The following PRKACA variants were observed in gnomAD, a reference collection of about 807,000 sequenced individuals.
PRKACA encodes protein kinase cAMP-activated catalytic subunit alpha.
In PRKACA, 9 loss-of-function variants were observed where a neutral mutation model predicts 45.8. The ratio of observed to expected loss-of-function variants is 0.20; its 90% CI spans 0.12 to 0.34. The LOEUF is 0.34. Among genes scored for constraint, PRKACA ranks in the 10% least tolerant of loss-of-function variants. The pLI is 1.00. For synonymous variants in PRKACA, 160 were observed against 178.6 expected, an observed-to-expected ratio of 0.90 and a Z score of 0.83; for missense variants, 238 against 458.6, an observed-to-expected ratio of 0.52 and a Z score of 4.39.
chr19:14,093,292 C>A (rs560012372), intron 9 of PRKACA, 55 bp from the exon 10 acceptor site: 2 of 1,584,288 alleles, frequency 1.3e-6, no homozygotes, highest in Non-Finnish European at 1.7e-6. Flanking sequence ...ATCATTATTA[C>A]AACAATAAAT....
intron 2 of PRKACA, 75 bp from the exon 3 acceptor site, chr19:14,106,963 CT>C: frequency 6.4e-7 from 1 of 1,570,022 alleles, no homozygotes; most frequent in Non-Finnish European, 8.6e-7. Context: ...GGGGCATCCC[CT>C]CTGCCACCGG....
At chr19:14,101,311 A>G (rs1183848232) in intron 4 of PRKACA, 3 of 213,418 alleles carry the variant, frequency 1.4e-5, no homozygotes, top group Non-Finnish European at 2.9e-5. Context: ...TCATGCCTGT[A>G]TAATCCCAGT....
chr19:14,109,783 C>A (rs1272475871), intron 1 of PRKACA, among the ~76,000 whole-genome samples: 2 of 148,864 alleles, frequency 1.3e-5, no homozygotes, highest in African/African-American at 5.0e-5. Context: ...ACTAAAAATA[C>A]AAAAATTAGC....
chr19:14,107,960 C>A, intron 1 of PRKACA: 1 of 986,798 alleles, frequency 1.0e-6, no homozygotes. Context: ...CACTCCTCGG[C>A]CCCATGGTAT....
Position 14,100,914 on chromosome 19 carries a change from G to T in PRKACA, c.337-6C>A. 1 of 1,613,838 alleles carries T rather than the reference G, an allele frequency of 6.2e-7. No individual in the cohort carries two copies. Among genetic ancestry groups the T allele is most frequent in the Non-Finnish European group, 8.5e-7 (1 of 1,179,738 alleles). ...ATGTATAAGTTTGAGTTGTCCTGTG[G>T]GAAGCAGTGGCTGGTCAAGGGCCCA... On this transcript the variant is annotated splice_region_variant and splice_polypyrimidine_tract_variant and intron_variant, in intron 4 of 9. Transcript: ENST00000308677.
rs753333407 is a variant in PRKACA at position 14,093,196 on chromosome 19, A to G, written c.972T>C (p.Asp324=). 1.9e-6 allele frequency: 3 copies of G among 1,613,968 alleles called. No individual in the cohort carries two copies. Among genetic ancestry groups the G allele is most frequent in the Non-Finnish European group, 2.5e-6 (3 of 1,179,978 alleles). ...CCTCATAGTCGTCAAAGTTACTCGT[A>G]TCCCCAGGGCCTTTAAACTTTGGTA... ...PFIPKFKGPG[D]TSNFDDYEEE... is the part of the protein sequence containing the mutation. The change falls in exon 10 of 10, where the codon GAT becomes GAC. Residue 324 remains aspartate, a synonymous_variant. Transcript: ENST00000308677.
At chr19:14,114,118 C>T (rs1178546169) in intron 1 of PRKACA, 1 of 1,609,524 alleles carries the variant, frequency 6.2e-7, no homozygotes, top group South Asian at 1.1e-5. Context: ...GCTATAGTAA[C>T]AGGACTCAGC....
At chr19:14,096,985 G>C (rs1378205353) in intron 8 of PRKACA, 1 of 349,248 alleles carries the variant, frequency 2.9e-6, no homozygotes, top group Non-Finnish European at 5.6e-6. Flanking sequence ...TGAGGCTATG[G>C]ACAGCACCTG....
rs114153875 is a variant in PRKACA, at chr19:14,094,834, C to T, written c.766-1042G>A. ...GGCTCTTCCGTTCTTTAAAGCCCAG[C>T]TCAACTCTTCTTGAAAGTTTTCCCC... is the stretch of plus-strand genomic sequence containing the variant. On this transcript the variant is annotated intron_variant, in intron 8 of 9. Transcript: ENST00000308677. Among the ~76,000 whole-genome samples the T allele has an allele frequency of 7.0e-3, 1,073 of 152,372 alleles. 18 individuals carry two copies. Among genetic ancestry groups the T allele is most frequent in the African/African-American group, 0.025 (1,033 of 41,578 alleles).
chr19:14,109,528 G>A (rs919852774), intron 1 of PRKACA, among the ~76,000 whole-genome samples: 5 of 151,656 alleles, frequency 3.3e-5, no homozygotes, highest in African/African-American at 9.7e-5. Context: ...TGAGGCAGGA[G>A]AATTGCTTGA....
At chr19:14,111,204 C>T (rs1397756286) in intron 1 of PRKACA, among the ~76,000 whole-genome samples, 1 of 152,186 alleles carries the variant, frequency 6.6e-6, no homozygotes, top group Non-Finnish European at 1.5e-5. Flanking sequence ...TTGAGACCAG[C>T]CTGACCAACA....
chr19:14,097,297 T>C lies in PRKACA; in HGVS notation c.765+64A>G. 1 of 1,607,970 alleles carries C rather than the reference T, an allele frequency of 6.2e-7. No individual in the cohort carries two copies. Among genetic ancestry groups the C allele is most frequent in the Middle Eastern group, 1.7e-4 (1 of 6,056 alleles). On this transcript the variant is annotated intron_variant, in intron 8 of 9. Coordinates refer to ENST00000308677, the MANE Select transcript of PRKACA (RefSeq NM_002730.4). The surrounding 1 kb of genome is among the most constrained non-coding windows in gnomAD (Gnocchi z 5.4). ...ACAACAAGCAGGGCTCCCCAGGGAA[T>C]AGGATGGGTGAGCAGGGAACGGTCT... is the stretch of plus-strand genomic sequence containing the variant.
At chr19:14,114,506 G>T (rs751325919) in intron 1 of PRKACA, among the ~76,000 whole-genome samples, 6 of 152,108 alleles carry the variant, frequency 3.9e-5, no homozygotes, top group Middle Eastern at 3.4e-3. Flanking sequence ...TTCTTGGGGG[G>T]TGCTTTTCTC....
intron 5 of PRKACA, 185 bp from the exon 6 acceptor site, chr19:14,098,075 A>G: frequency 1.5e-6 from 1 of 657,424 alleles, no homozygotes; most frequent in Non-Finnish European, 2.5e-6. Context: ...GGAAAATGGA[A>G]TCACAGACTG....
chr19:14,097,162 C>G lies in PRKACA; in HGVS notation c.765+199G>C. 2 of 746,654 alleles carry G rather than the reference C, an allele frequency of 2.7e-6. No homozygotes were observed. Among genetic ancestry groups the G allele is most frequent in the African/African-American group, 3.5e-5 (2 of 56,768 alleles). The allele number at this position is 746,654 out of a possible 1,614,324, so 46.3% of individuals were successfully genotyped here. ...TTTGGAAGCCCATGGGATTCTGGAACCGCGGGGTTGGGGCTGGACAGCAAG... is the reference window on the plus strand; with the variant it reads ...TTTGGAAGCCCATGGGATTCTGGAAGCGCGGGGTTGGGGCTGGACAGCAAG... On this transcript the variant is annotated intron_variant, in intron 8 of 9. Coordinates refer to ENST00000308677, the MANE Select transcript of PRKACA (RefSeq NM_002730.4). The surrounding 1 kb of genome is among the most constrained non-coding windows in gnomAD (Gnocchi z 5.4).
intron 1 of PRKACA, among the ~76,000 whole-genome samples, chr19:14,117,163 G>A (rs533112418): frequency 4.0e-5 from 6 of 151,560 alleles, no homozygotes; most frequent in African/African-American, 1.5e-4. Context: ...GTGAGGAAGT[G>A]GGGGGATTAG....
intron 1 of PRKACA, chr19:14,107,900 C>A (rs1436398445): frequency 5.1e-6 from 5 of 989,476 alleles, no homozygotes; most frequent in Non-Finnish European, 4.8e-6. Flanking sequence ...CCGTGGCAAT[C>A]GCAAGGGCAT....
Position 14,097,900 on chromosome 19 carries a change from A to G in PRKACA, c.420-10T>C, listed in dbSNP as rs1977310820. 1 of 1,613,908 alleles carries G rather than the reference A, an allele frequency of 6.2e-7. No homozygotes were observed. The highest frequency in any genetic ancestry group is 1.1e-5 in the South Asian group (1 of 91,078). ...ACGGGCATGGGGCTCACTGATGGGG[A>G]CAAATGGGGAGGTGAACGTCAGTGG... On this transcript the variant is annotated splice_polypyrimidine_tract_variant and intron_variant, in intron 5 of 9. Transcript: ENST00000308677. This position sits in a 1 kb window ranked among gnomAD's most constrained non-coding sequence, Gnocchi z 5.4.
At position 14,097,453 on chromosome 19, in the gene PRKACA, G is replaced by A. The variant is rs1331939583; in HGVS notation, c.673C>T (p.Leu225=). The A allele has an allele frequency of 6.2e-7, 1 of 1,614,008 alleles. No individual in the cohort carries two copies. Among genetic ancestry groups the A allele is most frequent in the African/African-American group, 1.3e-5 (1 of 74,914 alleles). ...GCCATTTCATAGATAAGAACCCCCAGGGCCCACCAGTCCACGGCCTTGTTG... is the reference window on the plus strand; with the variant it reads ...GCCATTTCATAGATAAGAACCCCCAAGGCCCACCAGTCCACGGCCTTGTTG... ...GYNKAVDWWA[L]GVLIYEMAAG... is the part of the protein sequence containing the mutation. Residue 225 remains leucine, a synonymous_variant, in exon 8 of 10, where the codon CTG becomes TTG. Coordinates refer to ENST00000308677, the MANE Select transcript of PRKACA (RefSeq NM_002730.4). This position sits in a 1 kb window ranked among gnomAD's most constrained non-coding sequence, Gnocchi z 5.4.
Sources: allele counts gnomAD v4.1 joint callset (sites outside exome capture counted in the v4.1 genomes callset), GRCh38; gene constraint gnomAD v4.1.1; non-coding constraint Gnocchi (gnomAD v3.1); transcripts MANE v1.5; gene names NCBI Gene and HGNC (gene_info 2026-07-23, HGNC 2026-07-21).